The following SESN1 variants were observed in gnomAD, a reference collection of about 807,000 sequenced individuals.
SESN1 encodes the protein sestrin 1, also known as sestrin-1.
Under a neutral mutation model 59.3 loss-of-function variants are expected in SESN1, and 30 were observed. That is an observed-to-expected ratio of 0.51 (90% confidence interval 0.38 to 0.69). The LOEUF (loss-of-function observed/expected upper bound fraction) is 0.69, where lower values mean the gene tolerates loss of function less well. SESN1 is among the 30% of genes least tolerant of loss of function. SESN1 has a pLI of 0.00. For missense variants in SESN1, 566 were observed against 673.0 expected, an observed-to-expected ratio of 0.84 and a Z score of 1.76; for synonymous variants, 197 against 219.9, an observed-to-expected ratio of 0.90 and a Z score of 0.92.
At chr6:109,025,821 A>T (rs997383425) in intron 1 of SESN1, among the ~76,000 whole-genome samples, 13 of 152,224 alleles carry the variant, frequency 8.5e-5, no homozygotes, top group Middle Eastern at 3.4e-3. Flanking sequence ...AATAAAAGAC[A>T]TGTTAAGATG....
At chr6:109,089,809 T>C (rs1781279238) in intron 1 of SESN1, among the ~76,000 whole-genome samples, 1 of 152,174 alleles carries the variant, frequency 6.6e-6, no homozygotes, top group Non-Finnish European at 1.5e-5. Flanking sequence ...CATTTTAATT[T>C]TTTCCACTCC....
intron 1 of SESN1, among the ~76,000 whole-genome samples, chr6:109,006,627 C>T (rs1387397842): frequency 6.6e-6 from 1 of 152,078 alleles, no homozygotes; most frequent in Non-Finnish European, 1.5e-5. Context: ...TTCTTTTGAG[C>T]CTCTTTAAGA....
At chr6:109,068,523 C>T (rs1437306835) in intron 1 of SESN1, among the ~76,000 whole-genome samples, 1 of 151,462 alleles carries the variant, frequency 6.6e-6, no homozygotes, top group Non-Finnish European at 1.5e-5. Context: ...AAAAAAGAAA[C>T]GGTATATGAA....
chr6:109,038,575 A>C (rs1780281967), intron 1 of SESN1, among the ~76,000 whole-genome samples: 1 of 152,238 alleles, frequency 6.6e-6, no homozygotes, highest in Non-Finnish European at 1.5e-5. Flanking sequence ...TAAGAGAAGC[A>C]AGCAGGAATT....
chr6:109,043,972 G>A (rs537366643), intron 1 of SESN1, among the ~76,000 whole-genome samples: 1 of 152,212 alleles, frequency 6.6e-6, no homozygotes, highest in African/African-American at 2.4e-5. Context: ...CAATGGAACA[G>A]AATAGAGAGC....
chr6:109,039,625 G>T (rs1780307865), intron 1 of SESN1, among the ~76,000 whole-genome samples: 2 of 152,084 alleles, frequency 1.3e-5, no homozygotes, highest in Admixed American at 1.3e-4. Context: ...CCCATCACTG[G>T]GATTAAAAAC....
intron 1 of SESN1, among the ~76,000 whole-genome samples, chr6:109,008,503 G>T (rs1043798305): frequency 6.6e-6 from 1 of 152,140 alleles, no homozygotes; most frequent in African/African-American, 2.4e-5. Context: ...AAGTTTCTAT[G>T]AATATACATA....
chr6:109,049,761 A>G (rs1393339541), intron 1 of SESN1, among the ~76,000 whole-genome samples: 2 of 150,774 alleles, frequency 1.3e-5, no homozygotes, highest in Admixed American at 1.3e-4. Flanking sequence ...AAATCATTAC[A>G]TATATATTTA....
chr6:108,998,935 T>C (rs1477337654), intron 4 of SESN1, 180 bp from the exon 5 acceptor site: 2 of 559,804 alleles, frequency 3.6e-6, no homozygotes, highest in African/African-American at 1.9e-5. Flanking sequence ...CATTCACAAA[T>C]AGAACTTAAC....
At position 109,020,178 on chromosome 6, in the gene SESN1, T is replaced by G. The variant is rs148349182; in HGVS notation, c.280-17835A>C. Among the ~76,000 whole-genome samples, 1,316 of 152,232 alleles carry G rather than the reference T, an allele frequency of 8.6e-3. 22 individuals carry two copies. Among genetic ancestry groups the G allele is most frequent in the African/African-American group, 0.029 (1,183 of 41,506 alleles). On this transcript the variant is annotated intron_variant, in intron 1 of 9. Coordinates refer to ENST00000436639, the MANE Select transcript of SESN1 (RefSeq NM_014454.3). ...TCCAGATACCGGTGAGGCCTAAGCTTCTTCTTTTTTTCTTTTTTTTATGTA... is the reference window on the plus strand; with the variant it reads ...TCCAGATACCGGTGAGGCCTAAGCTGCTTCTTTTTTTCTTTTTTTTATGTA...
At chr6:109,040,249 C>T (rs889303985) in intron 1 of SESN1, among the ~76,000 whole-genome samples, 10 of 152,144 alleles carry the variant, frequency 6.6e-5, no homozygotes, top group African/African-American at 2.4e-4. Flanking sequence ...TTTGGCAAGT[C>T]TCCTCTCCTT....
chr6:109,082,756 T>C (rs1295663184), intron 1 of SESN1, among the ~76,000 whole-genome samples: 1 of 152,238 alleles, frequency 6.6e-6, no homozygotes, highest in Non-Finnish European at 1.5e-5. Flanking sequence ...TGGAATTTAA[T>C]GTACAAAAGG....
chr6:109,093,262 C>T (rs1781364196), intron 1 of SESN1, among the ~76,000 whole-genome samples: 1 of 152,058 alleles, frequency 6.6e-6, no homozygotes, highest in Non-Finnish European at 1.5e-5. Context: ...CTGGGTCCAC[C>T]TTTTCAACAT....
At position 108,985,575 on chromosome 6, in the gene SESN1, A is replaced by AT. The variant is rs1156924063; in HGVS notation, c.*1968dup. 1.3e-5 allele frequency among the ~76,000 whole-genome samples: 2 copies of AT among 152,166 alleles called. No individual in the cohort carries two copies. The highest frequency in any genetic ancestry group is 2.4e-5 in the African/African-American group (1 of 41,436). On this transcript the variant is annotated 3_prime_UTR_variant, in exon 10 of 10. Transcript: ENST00000436639. ...CTTTTATTACTTTAGGTATAAACAT[A>AT]TTTTTTAACTCATTAAAATTTTGAT...
intron 1 of SESN1, among the ~76,000 whole-genome samples, chr6:109,033,221 A>G (rs1780209577): frequency 6.6e-6 from 1 of 152,218 alleles, no homozygotes; most frequent in Non-Finnish European, 1.5e-5. Flanking sequence ...AAGAGAGTGC[A>G]GTGGTCTGGT....
At chr6:109,060,213 A>C (rs1184639533) in intron 1 of SESN1, among the ~76,000 whole-genome samples, 3 of 152,224 alleles carry the variant, frequency 2.0e-5, no homozygotes, top group African/African-American at 7.2e-5. Flanking sequence ...AACAAAGGAT[A>C]ATTTGTTGAG....
chr6:109,094,180 A>G lies in SESN1; in HGVS notation c.-107T>C. 7.9e-7 allele frequency: 1 copy of G among 1,262,554 alleles called. No homozygotes were observed. The highest frequency in any genetic ancestry group is 2.0e-4 in the Middle Eastern group (1 of 4,992). 78.2% of individuals were successfully genotyped at this position (1,262,554 alleles called of 1,614,324 possible). A position where few individuals can be genotyped will look rare whatever the true frequency, so the allele number is the denominator to read the frequency against. ...TGTAAAAATAAAATCAGAGAAATCA[A>G]ATCGTCATGAAAACACACATCTGGG... is the stretch of plus-strand genomic sequence containing the variant. On this transcript the variant is annotated 5_prime_UTR_variant, in exon 1 of 10. Transcript: ENST00000436639.
At chr6:109,075,723 C>T (rs66543278) in intron 1 of SESN1, among the ~76,000 whole-genome samples, 23,757 of 152,058 alleles carry the variant, frequency 0.16, 2,163 homozygotes, top group Middle Eastern at 0.25. Flanking sequence ...AACAGGGATC[C>T]CAGCTAAGGT....
chr6:109,009,607 C>T (rs1779819053), intron 1 of SESN1: 1 of 1,023,508 alleles, frequency 9.8e-7, no homozygotes, highest in Non-Finnish European at 1.2e-6. Context: ...GCCCCGCGCC[C>T]GTCATTTCAC....
Sources: allele counts gnomAD v4.1 joint callset (sites outside exome capture counted in the v4.1 genomes callset), GRCh38; gene constraint gnomAD v4.1.1; transcripts MANE v1.5; gene names NCBI Gene and HGNC (gene_info 2026-07-23, HGNC 2026-07-21).